The following RAB40A variants were observed in gnomAD, a reference collection of about 807,000 sequenced individuals.
RAB40A encodes RAB40A, member RAS oncogene family, also known as ras-related protein Rab-40A.
For synonymous variants in RAB40A, 65 were observed against 99.9 expected (o/e 0.65, Z 2.08); for missense variants, 145 against 230.2 (o/e 0.63, Z 2.40).
At chrX:103,503,367 G>T (rs1241983572) in intron 2 of RAB40A, 7 of 750,898 alleles carry the variant, frequency 9.3e-6, no homozygotes, top group Non-Finnish European at 1.1e-5. Flanking sequence ...GCTTATGCAC[G>T]GGCAATGGAG....
In RAB40A at chrX:103,504,548, G is replaced by A. The variant is rs181567462; in HGVS notation, c.-70-3722C>T. Among the ~76,000 whole-genome samples the A allele has an allele frequency of 4.3e-3, 483 of 111,333 alleles. 5 individuals are homozygous for A. The highest frequency in any genetic ancestry group is 0.015 in the African/African-American group (465 of 30,639). On this transcript the variant is annotated intron_variant, in intron 2 of 2. Transcript: ENST00000304236. ...TTTATTTTATTTTATTTTTTGGACA[G>A]TCTTGCTCTGACGCCCAGGCTGGAG... is the stretch of plus-strand genomic sequence containing the variant.
intron 2 of RAB40A, 22 bp from the exon 3 acceptor site, chrX:103,500,848 A>G: frequency 1.8e-6 from 2 of 1,127,060 alleles, no homozygotes. Flanking sequence ...ATTAGCATAG[A>G]ACATAAAAAA....
At position 103,502,833 on chromosome X, in the gene RAB40A, C is replaced by T. The variant is rs772035837; in HGVS notation, c.-70-2007G>A. The T allele has an allele frequency of 2.7e-5, 20 of 751,897 alleles. No individual in the cohort carries two copies. In the Admixed American group the frequency reaches 5.3e-4, roughly 20 times the overall value. 62.0% of individuals were successfully genotyped at this position (751,897 alleles called of 1,213,427 possible). ...ATAGAACTGACTGTATCATCCTTACCGAGCTGTCCCAAGGAGCAAATGAGA... is the reference window on the plus strand; with the variant it reads ...ATAGAACTGACTGTATCATCCTTACTGAGCTGTCCCAAGGAGCAAATGAGA... On this transcript the variant is annotated intron_variant, in intron 2 of 2. Coordinates refer to ENST00000304236, the MANE Select transcript of RAB40A (RefSeq NM_080879.3).
chrX:103,495,395 CTTTA>C (rs2073161595), downstream of RAB40A, among the ~76,000 whole-genome samples: 1 of 111,171 alleles, frequency 9.0e-6, no homozygotes, highest in Non-Finnish European at 1.9e-5. Context: ...TTTGGATGCC[CTTTA>C]TTTCTTTCTC....
intron 1 of RAB40A, among the ~76,000 whole-genome samples, chrX:103,518,322 T>C: frequency 9.0e-6 from 1 of 111,431 alleles, no homozygotes; most frequent in Middle Eastern, 4.6e-3. Context: ...TAATGTCTTT[T>C]CCCTTAAAAA....
intron 1 of RAB40A, among the ~76,000 whole-genome samples, chrX:103,517,906 G>C (rs1326925272): frequency 8.9e-6 from 1 of 111,966 alleles, no homozygotes; most frequent in Non-Finnish European, 1.9e-5. Context: ...TGATTTCCAG[G>C]ATATACCATT....
chrX:103,498,806 T>C (rs918915007), downstream of RAB40A, among the ~76,000 whole-genome samples: 1 of 112,506 alleles, frequency 8.9e-6, no homozygotes, highest in Admixed American at 9.4e-5. Flanking sequence ...CAAGGACTTA[T>C]ATTTACTCAG....
downstream of RAB40A, among the ~76,000 whole-genome samples, chrX:103,498,498 G>A (rs2073197522): frequency 8.9e-6 from 1 of 112,893 alleles, no homozygotes; most frequent in South Asian, 3.6e-4. Flanking sequence ...ATCACAGTCT[G>A]CCTGGGGGCA....
intron 2 of RAB40A, among the ~76,000 whole-genome samples, chrX:103,505,453 A>C (rs1016704893): frequency 2.7e-5 from 3 of 112,083 alleles, no homozygotes; most frequent in Non-Finnish European, 5.6e-5. Flanking sequence ...TCACCAATTT[A>C]CTTTCAGTAA....
intron 2 of RAB40A, among the ~76,000 whole-genome samples, chrX:103,514,766 GT>G (rs1392056457): frequency 9.0e-6 from 1 of 111,718 alleles, no homozygotes. Flanking sequence ...AACAATAAAT[GT>G]TTCTATGACT....
At chrX:103,512,216 G>C (rs2073294146) in intron 2 of RAB40A, among the ~76,000 whole-genome samples, 1 of 112,032 alleles carries the variant, frequency 8.9e-6, no homozygotes, top group African/African-American at 3.2e-5. Flanking sequence ...AGAACTGTGA[G>C]AGACTAAATT....
intron 2 of RAB40A, among the ~76,000 whole-genome samples, chrX:103,515,931 T>C (rs1295284027): frequency 1.8e-5 from 2 of 112,396 alleles, no homozygotes; most frequent in African/African-American, 6.5e-5. Context: ...CATGTCATAA[T>C]GCTCTCTTGA....
At position 103,500,471 on chromosome X, in the gene RAB40A, T is replaced by C; in HGVS notation, c.286A>G (p.Ile96Val). 8.3e-7 allele frequency: 1 copy of C among 1,210,955 alleles called. No homozygotes were observed. Among genetic ancestry groups the C allele is most frequent in the Non-Finnish European group, 1.1e-6 (1 of 895,012 alleles). Reference sequence around the variant, plus strand: ...CCCTCGAAAGACCAGCGGTTTGCAATGTCGTAGACCAGGATCACTCCTTGT... The same window carrying C: ...CCCTCGAAAGACCAGCGGTTTGCAACGTCGTAGACCAGGATCACTCCTTGT... ...GAQGVILVYDIANRWSFEGMD... is the reference protein window; with the variant it reads ...GAQGVILVYDVANRWSFEGMD... Residue 96 changes from isoleucine to valine, a missense_variant, in exon 3 of 3, where the codon ATT becomes GTT. Transcript: ENST00000304236.
chrX:103,504,541 T>C (rs1365897669), intron 2 of RAB40A, among the ~76,000 whole-genome samples: 1 of 111,462 alleles, frequency 9.0e-6, no homozygotes, highest in Non-Finnish European at 1.9e-5. Context: ...ATTTTATTTT[T>C]TGGACAGTCT....
Position 103,500,757 on chromosome X carries a change from G to C in RAB40A, c.-1C>G, listed in dbSNP as rs772764038. On this transcript the variant is annotated 5_prime_UTR_variant, in exon 3 of 3. Transcript: ENST00000304236. ...GGTCGGGGCTGCCCGGGGCGCTCAT[G>C]GTGCTGGCCCCGCACTCCCGCCTGA... 3.6e-5 allele frequency: 43 copies of C among 1,206,726 alleles called. No homozygotes were observed. The highest frequency in any genetic ancestry group is 4.5e-5 in the Non-Finnish European group (40 of 893,460).
Position 103,518,959 on chromosome X carries a change from G to A in RAB40A, c.-223+411C>T, listed in dbSNP as rs1036210858. Among the ~76,000 whole-genome samples the A allele has an allele frequency of 2.7e-5, 3 of 111,558 alleles. No individual in the cohort carries two copies. The East Asian group carries it at 8.4e-4, about 31-fold the overall frequency. The stretch of plus-strand genomic sequence containing the variant: ...ATATAGAACTAAGCAACAATCCTTA[G>A]ACGCTGCAGAAAAATCGAGGTGAAA... On this transcript the variant is annotated intron_variant, in intron 1 of 2. Transcript: ENST00000304236.
chrX:103,502,888 G>A, intron 2 of RAB40A: 1 of 765,099 alleles, frequency 1.3e-6, no homozygotes, highest in Non-Finnish European at 1.6e-6. Flanking sequence ...GGCATGAAGT[G>A]GGACTTCAAT....
At chrX:103,502,185 A>G (rs2073231815) in intron 2 of RAB40A, 2 of 123,033 alleles carry the variant, frequency 1.6e-5, no homozygotes, top group Non-Finnish European at 3.8e-5. Context: ...TCAATACAGA[A>G]CAAACGTGAA....
At chrX:103,505,767 G>A (rs2073251615) in intron 2 of RAB40A, among the ~76,000 whole-genome samples, 1 of 111,131 alleles carries the variant, frequency 9.0e-6, no homozygotes, top group African/African-American at 3.3e-5. Flanking sequence ...TAATTATAAT[G>A]TAGCTCAATT....
Sources: gnomAD v4.1 joint callset for allele counts (sites outside exome capture counted in the v4.1 genomes callset) on GRCh38, gnomAD v4.1.1 for gene constraint, MANE v1.5 for transcripts, NCBI Gene and HGNC (gene_info 2026-07-23, HGNC 2026-07-21) for gene names.